TPRG1: variants seen among roughly 807,000 people sequenced by gnomAD.
TPRG1 encodes tumor protein p63-regulated gene 1 protein.
In TPRG1, 29 loss-of-function variants were observed where a neutral mutation model predicts 29.3. That is an observed-to-expected ratio of 0.99 (90% confidence interval 0.74 to 1.35). TPRG1 has a LOEUF of 1.35. Among genes scored for constraint, TPRG1 ranks in the 40% most tolerant of loss-of-function variants. The pLI, the probability that TPRG1 is intolerant of heterozygous loss-of-function variation, is 0.00. For synonymous variants in TPRG1, 130 were observed against 116.8 expected (o/e 1.11, Z -0.73); for missense variants, 327 against 335.0 (o/e 0.98, Z 0.19).
chr3:189,261,099 G>C (rs1712941074), intron 4 of TPRG1, among the ~76,000 whole-genome samples: 1 of 152,132 alleles, frequency 6.6e-6, no homozygotes, highest in Non-Finnish European at 1.5e-5. Context: ...AACATCTCCT[G>C]TCTAGACAAT....
In TPRG1 at chr3:189,000,737, A is replaced by T. The variant is rs551949849; in HGVS notation, c.-1015-37A>T. ...TATGTATGTTCATGTGCATATTTAT[A>T]TATATTATACATATGTATTTTTTTT... On this transcript the variant is annotated intron_variant, in intron 1 of 10. Transcript: ENST00000433971. 2.0e-5 allele frequency: 3 copies of T among 151,676 alleles called. No individual in the cohort carries two copies. In the South Asian group the frequency reaches 6.2e-4, roughly 32 times the overall value. The allele number at this position is 151,676 out of a possible 1,614,324, so 9.4% of individuals were successfully genotyped here.
At position 189,288,660 on chromosome 3, in the gene TPRG1, C is replaced by T. The variant is rs144546390; in HGVS notation, c.480-21726C>T. On this transcript the variant is annotated intron_variant, in intron 4 of 5. Transcript: ENST00000345063. Reference sequence around the variant, plus strand: ...CCCACCTCAGTGGGGTCAAAGGCTTCTCACCTCTAAGCCTAACTCTGGGCA... The same window carrying T: ...CCCACCTCAGTGGGGTCAAAGGCTTTTCACCTCTAAGCCTAACTCTGGGCA... 2.0e-3 allele frequency among the ~76,000 whole-genome samples: 303 copies of T among 152,334 alleles called. 2 individuals carry two copies. Among genetic ancestry groups the T allele is most frequent in the African/African-American group, 7.0e-3 (291 of 41,582 alleles).
At chr3:189,228,421 C>T (rs1479441194) in intron 3 of TPRG1, among the ~76,000 whole-genome samples, 2 of 151,864 alleles carry the variant, frequency 1.3e-5, no homozygotes, top group East Asian at 1.9e-4. Context: ...AAGAATTATA[C>T]ATCATAACCC....
At chr3:189,056,573 C>T (rs1715712257) in intron 4 of TPRG1, among the ~76,000 whole-genome samples, 2 of 152,170 alleles carry the variant, frequency 1.3e-5, no homozygotes, top group Admixed American at 6.5e-5. Flanking sequence ...CACCATTTTC[C>T]TCTTAATCAT....
chr3:189,077,993 T>G (rs1717293292), intron 4 of TPRG1, among the ~76,000 whole-genome samples: 1 of 150,114 alleles, frequency 6.7e-6, no homozygotes, highest in East Asian at 2.0e-4. Context: ...TCATTAATAT[T>G]TCTCCTAAAA....
At chr3:189,042,370 G>A (rs1368064352) in intron 4 of TPRG1, among the ~76,000 whole-genome samples, 1 of 151,970 alleles carries the variant, frequency 6.6e-6, no homozygotes, top group Non-Finnish European at 1.5e-5. Context: ...TGTATAATAA[G>A]CTTTATGTCA....
upstream of TPRG1, among the ~76,000 whole-genome samples, chr3:189,167,650 G>A (rs570360823): frequency 5.9e-5 from 9 of 152,184 alleles, no homozygotes; most frequent in Non-Finnish European, 1.3e-4. Flanking sequence ...TGCACGAGTT[G>A]CATGCCCATG....
intron 4 of TPRG1, among the ~76,000 whole-genome samples, chr3:189,269,102 TC>T (rs1425436311): frequency 6.6e-6 from 1 of 151,884 alleles, no homozygotes; most frequent in African/African-American, 2.4e-5. Context: ...TTTTTTTTTT[TC>T]TTTTTTTCTT....
At chr3:189,080,488 G>A (rs1282983260) in intron 4 of TPRG1, among the ~76,000 whole-genome samples, 2 of 152,062 alleles carry the variant, frequency 1.3e-5, no homozygotes, top group African/African-American at 4.8e-5. Context: ...CTGCTTTCCT[G>A]GAGCCAAACC....
intron 3 of TPRG1, among the ~76,000 whole-genome samples, chr3:189,142,030 G>A (rs1434137515): frequency 1.3e-5 from 2 of 152,184 alleles, no homozygotes; most frequent in African/African-American, 4.8e-5. Context: ...TAAGGAGTCT[G>A]AGGAACTGGG....
At chr3:189,084,909 C>T (rs1717834673) in intron 4 of TPRG1, among the ~76,000 whole-genome samples, 1 of 152,182 alleles carries the variant, frequency 6.6e-6, no homozygotes, top group Admixed American at 6.5e-5. Context: ...ATATTTTTGT[C>T]ATTTCTCTTG....
chr3:189,066,833 G>GA (rs1023252497), intron 4 of TPRG1, among the ~76,000 whole-genome samples: 11 of 151,640 alleles, frequency 7.3e-5, no homozygotes, highest in African/African-American at 2.4e-4. Flanking sequence ...CAAAATGAGA[G>GA]AAAAAAACAG....
At chr3:189,074,132 T>A (rs1232444860) in intron 4 of TPRG1, among the ~76,000 whole-genome samples, 1 of 151,736 alleles carries the variant, frequency 6.6e-6, no homozygotes, top group Non-Finnish European at 1.5e-5. Flanking sequence ...ATAGATTTGG[T>A]GTAGATTTTT....
chr3:189,078,091 C>CTCTTTCTTTCTTTCTTTCTTTCTT (rs67070787), intron 4 of TPRG1, among the ~76,000 whole-genome samples: 3 of 85,198 alleles, frequency 3.5e-5, no homozygotes, highest in East Asian at 3.6e-4. Flanking sequence ...CTCTCTTTCT[C>CTCTTTCTTTCTTTCTTTCTTTCTT]TCTTTCTTTC....
intron 3 of TPRG1, among the ~76,000 whole-genome samples, chr3:189,146,531 A>G (rs923910203): frequency 8.5e-5 from 13 of 152,216 alleles, no homozygotes; most frequent in Non-Finnish European, 1.3e-4. Context: ...ACAGAGTGTC[A>G]GGGACTCAAG....
intron 4 of TPRG1, among the ~76,000 whole-genome samples, chr3:189,284,099 C>T (rs1162205042): frequency 1.3e-5 from 2 of 152,132 alleles, no homozygotes; most frequent in African/African-American, 4.8e-5. Flanking sequence ...CCCACGTTTC[C>T]CAGGTTTGGA....
At chr3:189,019,426 G>C (rs921055820) in intron 3 of TPRG1, among the ~76,000 whole-genome samples, 1 of 152,146 alleles carries the variant, frequency 6.6e-6, no homozygotes, top group South Asian at 2.1e-4. Flanking sequence ...AATTTATTGA[G>C]AGTTTTTAGC....
intron 4 of TPRG1, among the ~76,000 whole-genome samples, chr3:189,091,787 A>T (rs1718354188): frequency 6.6e-6 from 1 of 151,982 alleles, no homozygotes; most frequent in Non-Finnish European, 1.5e-5. Flanking sequence ...TTTCTACTTC[A>T]TTTACTCATC....
At chr3:189,312,178 TTTCTTTTTTTCTTTCTTTC>T (rs1722752387) in intron 5 of TPRG1, among the ~76,000 whole-genome samples, 1 of 59,914 alleles carries the variant, frequency 1.7e-5, no homozygotes, top group African/African-American at 6.8e-5. Flanking sequence ...TCTTTCTTTC[TTTCTTTTTTTCTTTCTTTC>T]TTTCTTTCTT....
Sources: gnomAD v4.1 joint callset for allele counts (sites outside exome capture counted in the v4.1 genomes callset) on GRCh38, gnomAD v4.1.1 for gene constraint, MANE v1.5 for transcripts, NCBI Gene and HGNC (gene_info 2026-07-23, HGNC 2026-07-21) for gene names.